CHN2: variants seen among roughly 807,000 people sequenced by gnomAD.
CHN2 encodes the protein chimerin 2.
A neutral mutation model predicts 56.3 loss-of-function variants in CHN2; 35 were observed. The ratio of observed to expected loss-of-function variants is 0.62; its 90% CI spans 0.47 to 0.82. The LOEUF (loss-of-function observed/expected upper bound fraction) is 0.82. CHN2 is among the 40% of genes least tolerant of loss of function. The pLI is 0.00. For synonymous variants in CHN2, 210 were observed against 212.8 expected (o/e 0.99, Z 0.12); for missense variants, 491 against 580.5 (o/e 0.85, Z 1.58).
chr7:29,382,015 C>G (rs542105870), intron 3 of CHN2, among the ~76,000 whole-genome samples: 97 of 152,116 alleles, frequency 6.4e-4, no homozygotes, highest in South Asian at 5.6e-3. Context: ...GCCCTTTGCA[C>G]CTTGCTTCTC....
chr7:29,333,360 C>T (rs771472800), intron 1 of CHN2, among the ~76,000 whole-genome samples: 7 of 152,172 alleles, frequency 4.6e-5, no homozygotes, highest in Admixed American at 1.3e-4. Context: ...TGAAAGATGT[C>T]TCAGAGCCCT....
At chr7:29,199,579 A>C (rs1783997128) in intron 1 of CHN2, 1 of 152,222 alleles carries the variant, frequency 6.6e-6, no homozygotes, top group African/African-American at 2.4e-5. Context: ...GCAAAGCTAA[A>C]ATTAACCCTG....
intron 6 of CHN2, among the ~76,000 whole-genome samples, chr7:29,415,664 G>A (rs545386827): frequency 2.4e-4 from 37 of 152,224 alleles, no homozygotes; most frequent in Admixed American, 1.8e-3. Flanking sequence ...CTTGGGAAGG[G>A]CCACATAAAG....
intron 1 of CHN2, among the ~76,000 whole-genome samples, chr7:29,209,732 C>T (rs1584741293): frequency 6.6e-6 from 1 of 152,126 alleles, no homozygotes; most frequent in East Asian, 1.9e-4. Context: ...TTAAGGCTTT[C>T]ATTTATGAGA....
At chr7:29,495,074 A>G (rs925898923) in intron 7 of CHN2, among the ~76,000 whole-genome samples, 2 of 151,254 alleles carry the variant, frequency 1.3e-5, no homozygotes, top group African/African-American at 4.9e-5. Context: ...AATTCGGGAC[A>G]TTTTTGTGCA....
In CHN2 at chr7:29,512,779, T is replaced by C. The variant is rs753791852; in HGVS notation, c.*44T>C. On this transcript the variant is annotated 3_prime_UTR_variant, in exon 13 of 13. Coordinates refer to ENST00000222792, the MANE Select transcript of CHN2 (RefSeq NM_004067.4). ...TGAATGGCCCCAGCACCATCCAAGT[T>C]GACACAGCTAAAGGAATAAAAACAT... 2.3e-5 allele frequency: 36 copies of C among 1,575,088 alleles called. No homozygotes were observed. The highest frequency in any genetic ancestry group is 2.9e-5 in the Non-Finnish European group (34 of 1,158,778).
intron 1 of CHN2, among the ~76,000 whole-genome samples, chr7:29,264,042 G>T (rs1048668105): frequency 6.7e-6 from 1 of 149,582 alleles, no homozygotes; most frequent in Non-Finnish European, 1.5e-5. Context: ...GGGGGGTGGG[G>T]GGCAGCCCCC....
At chr7:29,359,177 A>G (rs1384201093) in intron 2 of CHN2, among the ~76,000 whole-genome samples, 5 of 152,166 alleles carry the variant, frequency 3.3e-5, no homozygotes, top group African/African-American at 1.2e-4. Flanking sequence ...ACTGCCCTAA[A>G]CCAATCAGGA....
At chr7:29,223,707 T>C (rs560592100) in intron 1 of CHN2, among the ~76,000 whole-genome samples, 7 of 152,272 alleles carry the variant, frequency 4.6e-5, no homozygotes, top group African/African-American at 1.7e-4. Context: ...CAAGTTGGGA[T>C]TATTACAAAA....
chr7:29,293,265 C>G (rs536918638), intron 1 of CHN2, among the ~76,000 whole-genome samples: 37 of 151,964 alleles, frequency 2.4e-4, no homozygotes, highest in Non-Finnish European at 4.0e-4. Flanking sequence ...GACAATGGCC[C>G]CTTCTCCCTC....
intron 1 of CHN2, among the ~76,000 whole-genome samples, chr7:29,334,080 C>A (rs1443947873): frequency 5.8e-4 from 76 of 131,316 alleles, no homozygotes; most frequent in Non-Finnish European, 2.6e-4. Flanking sequence ...GAGACTGAGT[C>A]TCCCTCCATT....
intron 7 of CHN2, among the ~76,000 whole-genome samples, chr7:29,480,607 C>T (rs1201893652): frequency 2.0e-5 from 3 of 152,220 alleles, no homozygotes; most frequent in Non-Finnish European, 4.4e-5. Context: ...GAATTGGGCC[C>T]ATTGCCACTT....
At chr7:29,256,710 G>A (rs901856379) in intron 1 of CHN2, among the ~76,000 whole-genome samples, 2 of 152,096 alleles carry the variant, frequency 1.3e-5, no homozygotes, top group South Asian at 2.1e-4. Flanking sequence ...AGGTGATCTC[G>A]ATGATCTTCT....
intron 1 of CHN2, among the ~76,000 whole-genome samples, chr7:29,203,476 A>G (rs2128770874): frequency 6.6e-6 from 1 of 151,228 alleles, no homozygotes; most frequent in African/African-American, 2.4e-5. Context: ...TCAAAAAAAA[A>G]AAAAAAAAAA....
At chr7:29,511,086 A>C (rs1008191364) in intron 12 of CHN2, among the ~76,000 whole-genome samples, 17 of 147,168 alleles carry the variant, frequency 1.2e-4, no homozygotes, top group African/African-American at 4.3e-4. Flanking sequence ...ATAAAAATAA[A>C]ATGAACCGAA....
At chr7:29,235,839 A>C (rs1787151312) in intron 1 of CHN2, among the ~76,000 whole-genome samples, 1 of 152,220 alleles carries the variant, frequency 6.6e-6, no homozygotes, top group Non-Finnish European at 1.5e-5. Context: ...TAAACACTGC[A>C]TACACAGACA....
intron 1 of CHN2, among the ~76,000 whole-genome samples, chr7:29,281,929 T>G (rs1562887890): frequency 6.6e-6 from 1 of 152,188 alleles, no homozygotes. Context: ...GCTAACAGCT[T>G]CTGCTGCCTC....
chr7:29,266,284 C>A (rs1790138615), intron 1 of CHN2, among the ~76,000 whole-genome samples: 1 of 152,200 alleles, frequency 6.6e-6, no homozygotes, highest in African/African-American at 2.4e-5. Context: ...CCTCCCTCCT[C>A]CCTCTTCTTC....
At chr7:29,281,631 C>G (rs1791724722) in intron 1 of CHN2, among the ~76,000 whole-genome samples, 1 of 152,144 alleles carries the variant, frequency 6.6e-6, no homozygotes, top group South Asian at 2.1e-4. Context: ...ATGTTTAAAA[C>G]AACTTCATGA....
Sources: gnomAD v4.1 joint callset for allele counts (sites outside exome capture counted in the v4.1 genomes callset) on GRCh38, gnomAD v4.1.1 for gene constraint, MANE v1.5 for transcripts, NCBI Gene and HGNC (gene_info 2026-07-23, HGNC 2026-07-21) for gene names.